MYCBP2: variants seen among roughly 807,000 people sequenced by gnomAD.
MYCBP2 encodes the protein MYC binding protein 2.
In MYCBP2, 120 loss-of-function variants were observed where a neutral mutation model predicts 525.3. The observed-to-expected ratio is 0.23, with a 90% CI of 0.20 to 0.27. The LOEUF (loss-of-function observed/expected upper bound fraction) is 0.27, where lower values mean the gene tolerates loss of function less well. Ranked by LOEUF, MYCBP2 falls within the 10% of genes least tolerant of loss-of-function variation. The probability of loss-of-function intolerance (pLI) is 1.00; values close to 1 mark genes in which losing one functional copy is unlikely to be tolerated. For missense variants in MYCBP2, 4,149 were observed against 5,657.1 expected (o/e 0.73, Z 8.55); for synonymous variants, 1,894 against 1,955.8 (o/e 0.97, Z 0.83).
At chr13:77,231,102 A>G (rs887326384) in intron 18 of MYCBP2, among the ~76,000 whole-genome samples, 15 of 152,256 alleles carry the variant, frequency 9.9e-5, no homozygotes. Context: ...TTTGCATTGT[A>G]AATGTATTTG....
intron 24 of MYCBP2, among the ~76,000 whole-genome samples, chr13:77,206,330 T>C (rs1197098653): frequency 6.7e-6 from 1 of 150,234 alleles, no homozygotes; most frequent in South Asian, 2.1e-4. Flanking sequence ...TAACATAATA[T>C]ACATAAATTA....
intron 59 of MYCBP2, among the ~76,000 whole-genome samples, chr13:77,091,067 T>C (rs1183039133): frequency 6.6e-6 from 1 of 152,128 alleles, no homozygotes; most frequent in African/African-American, 2.4e-5. Context: ...TGCTCACCGT[T>C]GGTTCTGGAG....
chr13:77,265,570 A>C, intron 8 of MYCBP2, among the ~76,000 whole-genome samples: 1 of 152,168 alleles, frequency 6.6e-6, no homozygotes, highest in East Asian at 1.9e-4. Context: ...ATACTGTAAG[A>C]CAAGCTGGAA....
At chr13:77,272,717 ACCAG>A (rs2075055551) in intron 5 of MYCBP2, among the ~76,000 whole-genome samples, 1 of 152,122 alleles carries the variant, frequency 6.6e-6, no homozygotes, top group African/African-American at 2.4e-5. Context: ...GTCTTGTTTG[ACCAG>A]GAGAGTTCAA....
chr13:77,143,768 G>A (rs766986517), intron 49 of MYCBP2, among the ~76,000 whole-genome samples: 4 of 152,106 alleles, frequency 2.6e-5, no homozygotes, highest in Middle Eastern at 3.2e-3. Flanking sequence ...CAGATTACCT[G>A]GGTTATATGG....
intron 79 of MYCBP2, among the ~76,000 whole-genome samples, chr13:77,056,477 A>C (rs1421226000): frequency 2.6e-5 from 4 of 152,226 alleles, no homozygotes; most frequent in African/African-American, 9.6e-5. Flanking sequence ...AATCATTATT[A>C]GCTTGCCAAA....
chr13:77,082,785 G>C (rs1194280417), intron 63 of MYCBP2, among the ~76,000 whole-genome samples: 1 of 152,100 alleles, frequency 6.6e-6, no homozygotes, highest in Non-Finnish European at 1.5e-5. Context: ...AAGTGAGGGA[G>C]ATTGCTACAG....
chr13:77,276,816 G>GTTTTTTT (rs397851660), intron 4 of MYCBP2, among the ~76,000 whole-genome samples: 11 of 76,218 alleles, frequency 1.4e-4, no homozygotes, highest in African/African-American at 3.4e-4. Flanking sequence ...TCCATGCCCA[G>GTTTTTTT]TTTTTTTTTT....
chr13:77,112,703 T>C (rs923700921), intron 55 of MYCBP2, among the ~76,000 whole-genome samples: 1 of 152,200 alleles, frequency 6.6e-6, no homozygotes, highest in Non-Finnish European at 1.5e-5. Context: ...CCTTGCCAAA[T>C]GCTGGGAATA....
chr13:77,100,166 G>A (rs1046799263), intron 55 of MYCBP2: 1 of 152,014 alleles, frequency 6.6e-6, no homozygotes, highest in African/African-American at 2.4e-5. Flanking sequence ...TTGTTAACTG[G>A]CTATAACTGC....
intron 30 of MYCBP2, 47 bp from the exon 31 acceptor site, chr13:77,186,110 C>T: frequency 1.5e-6 from 2 of 1,330,700 alleles, no homozygotes; most frequent in Non-Finnish European, 2.0e-6. Flanking sequence ...TCAAATGATA[C>T]CATAAACGGA....
At chr13:77,085,936 C>G (rs1004106189) in intron 62 of MYCBP2, among the ~76,000 whole-genome samples, 14 of 152,132 alleles carry the variant, frequency 9.2e-5, no homozygotes, top group Non-Finnish European at 1.6e-4. Flanking sequence ...ATATGACAAT[C>G]TCACATTGTA....
At chr13:77,129,450 G>C (rs1367616257) in intron 52 of MYCBP2, 1 of 337,306 alleles carries the variant, frequency 3.0e-6, no homozygotes, top group Non-Finnish European at 5.3e-6. Flanking sequence ...CATGGATATA[G>C]TGTGTCATGC....
intron 12 of MYCBP2, among the ~76,000 whole-genome samples, chr13:77,260,880 A>T (rs1567082070): frequency 6.6e-6 from 1 of 152,152 alleles, no homozygotes; most frequent in Non-Finnish European, 1.5e-5. Context: ...TGGAGGGCCC[A>T]ATCTCTAAAT....
chr13:77,188,858 T>A (rs2061013615), intron 30 of MYCBP2, 93 bp downstream of exon 30: 1 of 744,056 alleles, frequency 1.3e-6, no homozygotes, highest in Non-Finnish European at 2.1e-6. Flanking sequence ...AAATCTAGGC[T>A]AAGATAAACT....
rs1377978347 is a variant in MYCBP2 at position 77,211,277 on chromosome 13, G to A, written c.3306C>T (p.Cys1102=). 15 of 1,517,354 alleles carry A rather than the reference G, an allele frequency of 9.9e-6. No homozygotes were observed. The highest frequency in any genetic ancestry group is 1.2e-5 in the Non-Finnish European group (14 of 1,127,348). 94.0% of individuals were successfully genotyped at this position (1,517,354 alleles called of 1,614,324 possible). Residue 1102 remains cysteine (C), a synonymous_variant, in exon 23 of 83, where the codon TGC becomes TGT. Coordinates refer to ENST00000544440, the MANE Select transcript of MYCBP2 (RefSeq NM_015057.5). Reference sequence around the variant, plus strand: ...TCCCATCCACTTTATTTATCAGAAGGCATTTAAATGGAGGAGGTTCTGATA... The same window carrying A: ...TCCCATCCACTTTATTTATCAGAAGACATTTAAATGGAGGAGGTTCTGATA... ...ASISEPPPFK[C]LLINKVDGSC... is the part of the protein sequence containing the mutation.
intron 17 of MYCBP2, among the ~76,000 whole-genome samples, chr13:77,241,756 T>C (rs1487724536): frequency 6.6e-6 from 1 of 152,178 alleles, no homozygotes; most frequent in Non-Finnish European, 1.5e-5. Flanking sequence ...GTGCCAAGTA[T>C]ATGTTTTACA....
At position 77,089,046 on chromosome 13, in the gene MYCBP2, GA is replaced by G. The variant is rs765731731; in HGVS notation, c.10526-16del. 4 of 1,584,676 alleles carry G rather than the reference GA, an allele frequency of 2.5e-6. No homozygotes were observed. Among genetic ancestry groups the G allele is most frequent in the Non-Finnish European group, 3.4e-6 (4 of 1,163,760 alleles). On this transcript the variant is annotated splice_polypyrimidine_tract_variant and intron_variant, in intron 60 of 82. Transcript: ENST00000544440. Reference sequence around the variant, plus strand: ...AGAACCAACTTCTATTAAAGAAAAAGAAAATTATTAATTTTCATAGGCAGTG... The same window carrying G: ...AGAACCAACTTCTATTAAAGAAAAAGAAATTATTAATTTTCATAGGCAGTG...
intron 30 of MYCBP2, among the ~76,000 whole-genome samples, chr13:77,186,441 A>T (rs2060723032): frequency 6.6e-6 from 1 of 152,204 alleles, no homozygotes; most frequent in Non-Finnish European, 1.5e-5. Flanking sequence ...AAGAAAAATA[A>T]AGCTTTTTAC....
Sources: allele counts gnomAD v4.1 joint callset (sites outside exome capture counted in the v4.1 genomes callset), GRCh38; gene constraint gnomAD v4.1.1; transcripts MANE v1.5; gene names NCBI Gene and HGNC (gene_info 2026-07-23, HGNC 2026-07-21).